The following RAB40A variants were observed in gnomAD, a reference collection of about 807,000 sequenced individuals.
The protein encoded by RAB40A is RAB40A, member RAS oncogene family.
For synonymous variants in RAB40A, 65 were observed against 99.9 expected, an observed-to-expected ratio of 0.65 and a Z score of 2.08; for missense variants, 145 against 230.2, an observed-to-expected ratio of 0.63 and a Z score of 2.40.
chrX:103,514,644 C>T (rs1039297521), intron 2 of RAB40A, among the ~76,000 whole-genome samples: 3 of 111,973 alleles, frequency 2.7e-5, no homozygotes, highest in Admixed American at 9.5e-5. Flanking sequence ...AGCCACTGCA[C>T]CCAGCCCAGA....
downstream of RAB40A, among the ~76,000 whole-genome samples, chrX:103,496,913 ACT>A (rs1444164936): frequency 1.8e-5 from 2 of 111,896 alleles, no homozygotes; most frequent in African/African-American, 3.3e-5. Flanking sequence ...TCATTTTAAC[ACT>A]CTTGATCTAT....
At chrX:103,515,537 T>C (rs968355622) in intron 2 of RAB40A, among the ~76,000 whole-genome samples, 2 of 112,410 alleles carry the variant, frequency 1.8e-5, no homozygotes, top group South Asian at 3.7e-4. Flanking sequence ...AGATGGTTTC[T>C]TTAGTTTTGC....
intron 2 of RAB40A, chrX:103,502,740 T>G: frequency 1.3e-6 from 1 of 764,722 alleles, no homozygotes; most frequent in East Asian, 1.5e-4. Flanking sequence ...TGAAACCTCA[T>G]TCCAATCCTG....
chrX:103,512,846 G>A (rs2073297901), intron 2 of RAB40A, among the ~76,000 whole-genome samples: 1 of 111,446 alleles, frequency 9.0e-6, no homozygotes, highest in South Asian at 3.7e-4. Flanking sequence ...AAATTTTAAG[G>A]TTTTTTAAAG....
intron 2 of RAB40A, chrX:103,501,853 A>T (rs1313236478): frequency 1.6e-5 from 2 of 123,672 alleles, no homozygotes; most frequent in Non-Finnish European, 3.7e-5. Context: ...GATGCAAAAG[A>T]AAAAGGCTCT....
Position 103,500,208 on chromosome X carries a change from G to A in RAB40A, c.549C>T (p.Leu183=), listed in dbSNP as rs143418229. 3 of 1,209,292 alleles carry A rather than the reference G, an allele frequency of 2.5e-6. No individual in the cohort carries two copies. The highest frequency in any genetic ancestry group is 3.5e-5 in the African/African-American group (2 of 56,925). ...IVLLRHRMNW[L]GRPSKVLSLQ... is the part of the protein sequence containing the mutation. ...AGCTCAGTACCTTGCTCGGCCTCCCGAGCCAATTCATCCTGTGCCGCAGCA... is the reference window on the plus strand; with the variant it reads ...AGCTCAGTACCTTGCTCGGCCTCCCAAGCCAATTCATCCTGTGCCGCAGCA... The change falls in exon 3 of 3, where the codon CTC becomes CTT. Residue 183 remains leucine, a synonymous_variant. Coordinates refer to ENST00000304236, the MANE Select transcript of RAB40A (RefSeq NM_080879.3).
At chrX:103,506,902 T>C (rs1050016305) in intron 2 of RAB40A, among the ~76,000 whole-genome samples, 1 of 112,428 alleles carries the variant, frequency 8.9e-6, no homozygotes, top group African/African-American at 3.2e-5. Flanking sequence ...CTTGTGGTTT[T>C]TGTAATTTTT....
chrX:103,511,131 C>T (rs183072976), intron 2 of RAB40A, among the ~76,000 whole-genome samples: 8 of 111,373 alleles, frequency 7.2e-5, no homozygotes, highest in African/African-American at 9.8e-5. Flanking sequence ...GGAACCAACC[C>T]GAATGCCCAT....
intron 2 of RAB40A, among the ~76,000 whole-genome samples, chrX:103,508,336 G>A (rs928420339): frequency 5.4e-5 from 6 of 111,785 alleles, no homozygotes; most frequent in African/African-American, 1.3e-4. Context: ...TGAAGGATGG[G>A]ACCTCATTCC....
intron 2 of RAB40A, among the ~76,000 whole-genome samples, chrX:103,513,003 G>GATT (rs1401549751): frequency 1.8e-5 from 2 of 111,531 alleles, no homozygotes; most frequent in Non-Finnish European, 3.8e-5. Context: ...TGTAAGCCAA[G>GATT]ACAATTAGGT....
intron 2 of RAB40A, among the ~76,000 whole-genome samples, chrX:103,508,089 A>G (rs1173464416): frequency 2.7e-5 from 3 of 112,625 alleles, no homozygotes; most frequent in African/African-American, 9.7e-5. Context: ...TAGTTTACAA[A>G]TGTTTTCTTC....
chrX:103,515,677 C>T (rs766166138), intron 2 of RAB40A, among the ~76,000 whole-genome samples: 1 of 112,201 alleles, frequency 8.9e-6, no homozygotes, highest in Admixed American at 9.5e-5. Flanking sequence ...ACTCATCCCT[C>T]ATCCCAACTT....
chrX:103,511,876 G>A (rs1242299832), intron 2 of RAB40A, among the ~76,000 whole-genome samples: 13 of 111,828 alleles, frequency 1.2e-4, no homozygotes, highest in Non-Finnish European at 2.3e-4. Context: ...ATGTAATCAA[G>A]TTAAGATGAG....
chrX:103,500,839 T>C lies in RAB40A; in HGVS notation c.-70-13A>G. 1 of 1,140,425 alleles carries C rather than the reference T, an allele frequency of 8.8e-7. No homozygotes were observed. The highest frequency in any genetic ancestry group is 2.1e-5 in the South Asian group (1 of 46,621). The allele number at this position is 1,140,425 out of a possible 1,213,427, so 94.0% of individuals were successfully genotyped here. A position where few individuals can be genotyped will look rare whatever the true frequency, so the allele number is the denominator to read the frequency against. On this transcript the variant is annotated splice_polypyrimidine_tract_variant and intron_variant, in intron 2 of 2. Transcript: ENST00000304236. ...TGCCGGGCCTGTTCTTCTTGAGAAATTAGCATAGAACATAAAAAATGAGAT... is the reference window on the plus strand; with the variant it reads ...TGCCGGGCCTGTTCTTCTTGAGAAACTAGCATAGAACATAAAAAATGAGAT...
intron 2 of RAB40A, among the ~76,000 whole-genome samples, chrX:103,507,895 C>G (rs1343116708): frequency 9.0e-6 from 1 of 111,490 alleles, no homozygotes; most frequent in Non-Finnish European, 1.9e-5. Flanking sequence ...CAGCTCCCAC[C>G]CCTTGACCCC....
At chrX:103,497,987 C>T (rs1165367779), downstream of RAB40A, among the ~76,000 whole-genome samples, 1 of 111,828 alleles carries the variant, frequency 8.9e-6, no homozygotes, top group Non-Finnish European at 1.9e-5. Context: ...GTTATCTGAA[C>T]ATCAAATTAA....
In RAB40A at chrX:103,505,159, T is replaced by C. The variant is rs11796780; in HGVS notation, c.-70-4333A>G. Among the ~76,000 whole-genome samples, 668 of 112,390 alleles carry C rather than the reference T, an allele frequency of 5.9e-3. 3 individuals carry two copies. The highest frequency in any genetic ancestry group is 9.7e-3 in the Non-Finnish European group (517 of 53,309). ...TTTGTTTTGCTTAATATTATCCTTG[T>C]GAGATATATCCATGATTTTGCATAT... is the stretch of plus-strand genomic sequence containing the variant. On this transcript the variant is annotated intron_variant, in intron 2 of 2. Transcript: ENST00000304236.
chrX:103,500,997 C>T, intron 2 of RAB40A, 171 bp from the exon 3 acceptor site: 1 of 456,909 alleles, frequency 2.2e-6, no homozygotes. Flanking sequence ...GCAGTTAATT[C>T]ATCATGGAAA....
At chrX:103,509,909 G>A (rs1049918730) in intron 2 of RAB40A, among the ~76,000 whole-genome samples, 5 of 108,896 alleles carry the variant, frequency 4.6e-5, no homozygotes, top group African/African-American at 1.7e-4. Flanking sequence ...GGGTTCAAGC[G>A]ATTCTCCTGC....
Sources: gnomAD v4.1 joint callset for allele counts (sites outside exome capture counted in the v4.1 genomes callset) on GRCh38, gnomAD v4.1.1 for gene constraint, MANE v1.5 for transcripts, NCBI Gene and HGNC (gene_info 2026-07-23, HGNC 2026-07-21) for gene names.